Variants in FCHSD1 observed in about 807,000 individuals in gnomAD.
FCHSD1 encodes the protein F-BAR and double SH3 domains protein 1.
Under a neutral mutation model 101.3 loss-of-function variants are expected in FCHSD1, and 109 were observed. The observed-to-expected ratio is 1.08, with a 90% CI of 0.92 to 1.26. The LOEUF is 1.26. Ranked by LOEUF, FCHSD1 falls within the 50% of genes most tolerant of loss-of-function variation. The probability of loss-of-function intolerance (pLI) is 0.00; values close to 1 mark genes in which losing one functional copy is unlikely to be tolerated. For missense variants in FCHSD1, 820 were observed against 895.8 expected (o/e 0.92, Z 1.08); for synonymous variants, 291 against 356.8 (o/e 0.82, Z 2.08).
rs2099907616 is a variant in FCHSD1 at position 141,646,069 on chromosome 5, C to T, written c.1149+18G>A. 3 of 1,600,956 alleles carry T rather than the reference C, an allele frequency of 1.9e-6. No individual in the cohort carries two copies. Among genetic ancestry groups the T allele is most frequent in the South Asian group, 2.2e-5 (2 of 89,110 alleles). The stretch of plus-strand genomic sequence containing the variant: ...TGCCTGAGAAGGTGGGATCTCTAAC[C>T]TCAGGGGTGTGCCTCACCTGTGCCC... On this transcript the variant is annotated intron_variant, in intron 12 of 19. Coordinates refer to ENST00000435817, the MANE Select transcript of FCHSD1 (RefSeq NM_033449.3).
rs761133000 is a variant in FCHSD1 at position 141,640,309 on chromosome 5, G to T, written c.*1189C>A. On this transcript the variant is annotated 3_prime_UTR_variant, in exon 20 of 20. Coordinates refer to ENST00000435817, the MANE Select transcript of FCHSD1 (RefSeq NM_033449.3). ...TCTGATCACCAGGTAGGAAAACACAGCCGGGACTGCACTGGGCTGGGCTCT... is the reference window on the plus strand; with the variant it reads ...TCTGATCACCAGGTAGGAAAACACATCCGGGACTGCACTGGGCTGGGCTCT... 2 of 1,613,818 alleles carry T rather than the reference G, an allele frequency of 1.2e-6. No individual in the cohort carries two copies. Among genetic ancestry groups the T allele is most frequent in the Non-Finnish European group, 1.7e-6 (2 of 1,179,820 alleles).
chr5:141,644,164 T>G, intron 17 of FCHSD1, 54 bp downstream of exon 17: 2 of 1,493,176 alleles, frequency 1.3e-6, no homozygotes, highest in Non-Finnish European at 1.8e-6. Context: ...TTTATTGGGG[T>G]GGGAGGGTCA....
intron 2 of FCHSD1, 107 bp from the exon 3 acceptor site, chr5:141,650,511 G>T: frequency 1.5e-6 from 2 of 1,314,792 alleles, no homozygotes; most frequent in Non-Finnish European, 2.2e-6. Context: ...GTTGGGGGGA[G>T]CCAGGTTCCT....
Position 141,639,357 on chromosome 5 carries a change from A to T in FCHSD1, c.*2141T>A. 1.1e-6 allele frequency: 1 copy of T among 877,052 alleles called. No homozygotes were observed. Among genetic ancestry groups the T allele is most frequent in the Admixed American group, 2.8e-5 (1 of 35,156 alleles). The allele number at this position is 877,052 out of a possible 1,614,324, so 54.3% of individuals were successfully genotyped here. The stretch of plus-strand genomic sequence containing the variant: ...AGACAAGAAAAAATGGGGCTTGGGG[A>T]AATTGGGGCTTCTGGGGTTTTAAGG... On this transcript the variant is annotated 3_prime_UTR_variant, in exon 20 of 20. Transcript: ENST00000435817. The surrounding 1 kb of genome is among the most constrained non-coding windows in gnomAD (Gnocchi z 4.4).
rs1230719482 is a variant in FCHSD1 at position 141,644,398 on chromosome 5, A to G, written c.1683T>C (p.Ser561=). The G allele has an allele frequency of 2.5e-6, 4 of 1,613,732 alleles. No individual in the cohort carries two copies. Among genetic ancestry groups the G allele is most frequent in the Non-Finnish European group, 3.4e-6 (4 of 1,179,858 alleles). Residue 561 remains serine, a synonymous_variant, in exon 17 of 20, where the codon AGT becomes AGC. Transcript: ENST00000435817. ...AQALYSYTGQ[S]AEELSFPEGA... ...CCTCAGGGAAGCTCAGCTCCTCTGC[A>G]CTCTGTCCGGTGTAGCTGTACAGGG... is the stretch of plus-strand genomic sequence containing the variant.
Position 141,646,550 on chromosome 5 carries a change from T to A in FCHSD1, c.1044+53A>T, listed in dbSNP as rs918841912. The A allele has an allele frequency of 1.1e-5, 17 of 1,564,464 alleles. No homozygotes were observed. The East Asian group carries it at 1.6e-4, about 15-fold the overall frequency. ...TGGCTCCAAGATCCCCTCTCTCAGC[T>A]CTTCTTGCTGAGACAAGAAGGTGCA... On this transcript the variant is annotated intron_variant, in intron 11 of 19. Transcript: ENST00000435817.
chr5:141,648,576 A>C (rs1323674238), intron 7 of FCHSD1, among the ~76,000 whole-genome samples: 1 of 152,106 alleles, frequency 6.6e-6, no homozygotes. Context: ...CCCCCTTGTT[A>C]TTCTTTATCA....
At chr5:141,645,697 T>A in intron 13 of FCHSD1, 74 bp downstream of exon 13, 1 of 1,492,454 alleles carries the variant, frequency 6.7e-7, no homozygotes, top group South Asian at 1.3e-5. Flanking sequence ...GTGATTCCAG[T>A]TTTATAGGGT....
intron 7 of FCHSD1, 26 bp downstream of exon 7, chr5:141,648,931 C>T (rs1248522142): frequency 1.9e-6 from 3 of 1,613,552 alleles, no homozygotes; most frequent in South Asian, 2.2e-5. Context: ...CTTCCCTGCC[C>T]CCACTCATGC....
Position 141,649,538 on chromosome 5 carries a change from T to G in FCHSD1, c.234-2A>C. ...CAGGCACCGAACACTGTCCTGCCCC[T>G]CCCCAGAGAAGGTCTGTGTTGAGGA... is the stretch of plus-strand genomic sequence containing the variant. On this transcript the variant is annotated splice_acceptor_variant, in intron 4 of 19. Transcript: ENST00000435817. LOFTEE classifies it high-confidence loss of function. The surrounding 1 kb of genome is among the most constrained non-coding windows in gnomAD (Gnocchi z 4.1). 6.2e-7 allele frequency: 1 copy of G among 1,610,420 alleles called. No homozygotes were observed. The highest frequency in any genetic ancestry group is 8.5e-7 in the Non-Finnish European group (1 of 1,178,980).
chr5:141,645,655 C>A, intron 13 of FCHSD1, 116 bp downstream of exon 13: 1 of 1,246,902 alleles, frequency 8.0e-7, no homozygotes, highest in African/African-American at 1.5e-5. Flanking sequence ...TTCACTTAAG[C>A]CTCGTAATAA....
chr5:141,640,482 C>G lies in FCHSD1; in HGVS notation c.*1016G>C, dbSNP rs758379983. 1 of 1,613,884 alleles carries G rather than the reference C, an allele frequency of 6.2e-7. No homozygotes were observed. Among genetic ancestry groups the G allele is most frequent in the Non-Finnish European group, 8.5e-7 (1 of 1,179,776 alleles). On this transcript the variant is annotated 3_prime_UTR_variant, in exon 20 of 20. Transcript: ENST00000435817. ...TGAGCCCTAAATGAGGTAATCTCAT[C>G]TTCCCATCACCTACTTAAACTATTT...
chr5:141,649,872 C>A lies in FCHSD1; in HGVS notation c.233+15G>T. The A allele has an allele frequency of 6.5e-7, 1 of 1,544,830 alleles. No homozygotes were observed. Among genetic ancestry groups the A allele is most frequent in the Middle Eastern group, 1.7e-4 (1 of 5,966 alleles). Reference sequence around the variant, plus strand: ...CTTTTTGGCCTCTGTGGCCCTCCCCCTCCATAGGGCCCACCTGCTGTCCAT... The same window carrying A: ...CTTTTTGGCCTCTGTGGCCCTCCCCATCCATAGGGCCCACCTGCTGTCCAT... On this transcript the variant is annotated intron_variant, in intron 4 of 19. Transcript: ENST00000435817. The surrounding 1 kb of genome is among the most constrained non-coding windows in gnomAD (Gnocchi z 4.1).
In FCHSD1 at chr5:141,640,057, C is replaced by G. The variant is rs762859903; in HGVS notation, c.*1441G>C. 4 of 1,613,366 alleles carry G rather than the reference C, an allele frequency of 2.5e-6. No homozygotes were observed. The highest frequency in any genetic ancestry group is 3.4e-6 in the Non-Finnish European group (4 of 1,179,632). ...GGGTCTGGGGGAGGGCAGCCCAAGG[C>G]AGGGATGCCTGCCATGGAGAGGCTG... On this transcript the variant is annotated 3_prime_UTR_variant, in exon 20 of 20. Coordinates refer to ENST00000435817, the MANE Select transcript of FCHSD1 (RefSeq NM_033449.3).
intron 9 of FCHSD1, 82 bp from the exon 10 acceptor site, chr5:141,647,312 G>C (rs2099907776): frequency 6.4e-7 from 1 of 1,563,426 alleles, no homozygotes; most frequent in South Asian, 1.2e-5. Context: ...GAAGAAAAAG[G>C]ACAATGTGTG....
In FCHSD1 at chr5:141,650,508, G is replaced by A. The variant is rs1273681000; in HGVS notation, c.120-104C>T. On this transcript the variant is annotated intron_variant, in intron 2 of 19. Transcript: ENST00000435817. Reference sequence around the variant, plus strand: ...TCTGGGCAGGAGGGAGCGGTTGGGGGGAGCCAGGTTCCTAGAGTGTAACTA... The same window carrying A: ...TCTGGGCAGGAGGGAGCGGTTGGGGAGAGCCAGGTTCCTAGAGTGTAACTA... 19 of 1,366,332 alleles carry A rather than the reference G, an allele frequency of 1.4e-5. No homozygotes were observed. In the South Asian group the frequency reaches 2.0e-4, roughly 14 times the overall value. The allele number at this position is 1,366,332 out of a possible 1,614,324, so 84.6% of individuals were successfully genotyped here. A position where few individuals can be genotyped will look rare whatever the true frequency, so the allele number is the denominator to read the frequency against.
intron 17 of FCHSD1, among the ~76,000 whole-genome samples, chr5:141,643,624 T>C (rs1596460193): frequency 6.6e-6 from 1 of 152,148 alleles, no homozygotes; most frequent in Admixed American, 6.5e-5. Context: ...CCAAGGCAGG[T>C]GGATCACCTG....
At position 141,640,411 on chromosome 5, in the gene FCHSD1, G is replaced by C. The variant is rs2099906715; in HGVS notation, c.*1087C>G. 1 of 1,614,166 alleles carries C rather than the reference G, an allele frequency of 6.2e-7. No homozygotes were observed. The highest frequency in any genetic ancestry group is 8.5e-7 in the Non-Finnish European group (1 of 1,180,012). ...TTGTTGACCCCTCCCCTTTCTCTCA[G>C]GTGTCTCTACCACAGGGAGCAGGGA... is the stretch of plus-strand genomic sequence containing the variant. On this transcript the variant is annotated 3_prime_UTR_variant, in exon 20 of 20. Transcript: ENST00000435817.
In FCHSD1 at chr5:141,639,312, A is replaced by G. The variant is rs2099906566; in HGVS notation, c.*2186T>C. On this transcript the variant is annotated 3_prime_UTR_variant, in exon 20 of 20. Transcript: ENST00000435817. This position sits in a 1 kb window ranked among gnomAD's most constrained non-coding sequence, Gnocchi z 4.4. The stretch of plus-strand genomic sequence containing the variant: ...AGAACATATGGTCACTAACATCTTA[A>G]TATTGAGTTTATTAGATAAAGACAA... The G allele has an allele frequency of 1.5e-6, 1 of 648,260 alleles. No homozygotes were observed. The highest frequency in any genetic ancestry group is 2.6e-6 in the Non-Finnish European group (1 of 382,246). The allele number at this position is 648,260 out of a possible 1,614,324, so 40.2% of individuals were successfully genotyped here.
Sources: allele counts gnomAD v4.1 joint callset (sites outside exome capture counted in the v4.1 genomes callset), GRCh38; gene constraint gnomAD v4.1.1; non-coding constraint Gnocchi (gnomAD v3.1); transcripts MANE v1.5; gene names NCBI Gene and HGNC (gene_info 2026-07-23, HGNC 2026-07-21).